The following ASAP2 variants were observed in gnomAD, a reference collection of about 807,000 sequenced individuals.
The protein encoded by ASAP2 is arf-GAP with SH3 domain, ANK repeat and PH domain-containing protein 2.
ASAP2 carries 45 observed loss-of-function variants against 131.4 expected under a neutral mutation model. That is an observed-to-expected ratio of 0.34 (90% CI 0.27 to 0.44). The LOEUF (loss-of-function observed/expected upper bound fraction) is 0.44, where lower values mean the gene tolerates loss of function less well. Ranked by LOEUF, ASAP2 falls within the 20% of genes least tolerant of loss-of-function variation. ASAP2 has a pLI of 1.00. For missense variants in ASAP2, 1,011 were observed against 1,297.0 expected (o/e 0.78, Z 3.39); for synonymous variants, 510 against 503.0 (o/e 1.01, Z -0.19).
chr2:9,286,447 A>AATATATATATATATATATAT (rs1553304561), intron 2 of ASAP2, among the ~76,000 whole-genome samples: 1 of 148,418 alleles, frequency 6.7e-6, no homozygotes, highest in African/African-American at 2.5e-5. Context: ...GAAAAAAAAA[A>AATATATATATATATATATAT]ATATATATAT....
At chr2:9,273,256 C>A (rs1666534053) in intron 1 of ASAP2, among the ~76,000 whole-genome samples, 1 of 152,090 alleles carries the variant, frequency 6.6e-6, no homozygotes, top group East Asian at 1.9e-4. Flanking sequence ...CTGTAGAGAT[C>A]CTGTACTTCT....
chr2:9,271,573 C>A (rs938516820), intron 1 of ASAP2: 6 of 1,524,256 alleles, frequency 3.9e-6, no homozygotes, highest in Non-Finnish European at 5.4e-6. Flanking sequence ...CAGGTCATCA[C>A]CCTTACTTGC....
intron 11 of ASAP2, among the ~76,000 whole-genome samples, chr2:9,348,262 G>T (rs1275446848): frequency 6.6e-6 from 1 of 152,058 alleles, no homozygotes; most frequent in Non-Finnish European, 1.5e-5. Context: ...GACTGCAGGT[G>T]CATGCCACCA....
chr2:9,254,823 A>G (rs920693280), intron 1 of ASAP2, among the ~76,000 whole-genome samples: 1 of 152,154 alleles, frequency 6.6e-6, no homozygotes, highest in African/African-American at 2.4e-5. Context: ...TCAGTTCACC[A>G]AGTGATGGGC....
At chr2:9,337,340 G>A (rs1260187699) in intron 9 of ASAP2, among the ~76,000 whole-genome samples, 4 of 152,314 alleles carry the variant, frequency 2.6e-5, no homozygotes, top group East Asian at 1.9e-4. Context: ...ATAAGCAGAT[G>A]TGAAAATGCT....
Position 9,223,424 on chromosome 2 carries a change from G to A in ASAP2, c.126+16194G>A, listed in dbSNP as rs140734906. ...TACTAAGCCAGTAAGGCCTTATCTG[G>A]AACATGCAGGCTTCATTTTTGCCCC... On this transcript the variant is annotated intron_variant, in intron 1 of 27. Coordinates refer to ENST00000281419, the MANE Select transcript of ASAP2 (RefSeq NM_003887.3). 5.5e-3 allele frequency among the ~76,000 whole-genome samples: 842 copies of A among 152,294 alleles called. 7 individuals are homozygous for A. Among genetic ancestry groups the A allele is most frequent in the Non-Finnish European group, 9.0e-3 (611 of 68,012 alleles).
In ASAP2 at chr2:9,268,474, T is replaced by C. The variant is rs571306576; in HGVS notation, c.127-10843T>C. Reference sequence around the variant, plus strand: ...ACCTGCTATTCTTCAGGCCTGGCTTTATTCCCACAAGGGGGGAGGTTCGTT... The same window carrying C: ...ACCTGCTATTCTTCAGGCCTGGCTTCATTCCCACAAGGGGGGAGGTTCGTT... On this transcript the variant is annotated intron_variant, in intron 1 of 27. Transcript: ENST00000281419. The surrounding 1 kb of genome is among the most constrained non-coding windows in gnomAD (Gnocchi z 4.1). Among the ~76,000 whole-genome samples the C allele has an allele frequency of 6.6e-6, 1 of 152,380 alleles. No individual in the cohort carries two copies. Among genetic ancestry groups the C allele is most frequent in the Admixed American group, 6.5e-5 (1 of 15,312 alleles).
At chr2:9,373,760 T>C (rs1674167391) in intron 16 of ASAP2, among the ~76,000 whole-genome samples, 1 of 152,224 alleles carries the variant, frequency 6.6e-6, no homozygotes, top group Non-Finnish European at 1.5e-5. Flanking sequence ...TACAAATGGA[T>C]GCAACTGATC....
intron 1 of ASAP2, among the ~76,000 whole-genome samples, chr2:9,255,676 G>A (rs1665104362): frequency 6.6e-6 from 1 of 152,336 alleles, no homozygotes; most frequent in East Asian, 1.9e-4. Flanking sequence ...AGGGAGTCGG[G>A]GGCAGAGCTG....
intron 23 of ASAP2, among the ~76,000 whole-genome samples, chr2:9,391,464 C>T (rs1197576372): frequency 6.6e-6 from 1 of 152,166 alleles, no homozygotes; most frequent in African/African-American, 2.4e-5. Context: ...AACATTTCCT[C>T]CTTTACACAG....
intron 1 of ASAP2, among the ~76,000 whole-genome samples, chr2:9,252,777 G>C (rs748502055): frequency 3.3e-5 from 5 of 151,638 alleles, no homozygotes; most frequent in Non-Finnish European, 5.9e-5. Context: ...TTAGCCAGGC[G>C]TGGTGGCGGG....
At chr2:9,317,336 C>CTCAG (rs142364139) in intron 3 of ASAP2, among the ~76,000 whole-genome samples, 2 of 148,700 alleles carry the variant, frequency 1.3e-5, no homozygotes, top group Non-Finnish European at 1.5e-5. Context: ...CATATCTTCA[C>CTCAG]TCACACACAC....
chr2:9,348,620 G>T (rs1006675837), intron 11 of ASAP2, among the ~76,000 whole-genome samples: 1 of 152,116 alleles, frequency 6.6e-6, no homozygotes, highest in African/African-American at 2.4e-5. Context: ...GTGTTTTGTG[G>T]ACCCATTCTT....
intron 12 of ASAP2, among the ~76,000 whole-genome samples, chr2:9,355,812 C>T (rs1672661785): frequency 6.6e-6 from 1 of 151,974 alleles, no homozygotes; most frequent in African/African-American, 2.4e-5. Context: ...TTTTTAGAAG[C>T]GGCGTCTTTT....
Position 9,377,931 on chromosome 2 carries a change from C to T in ASAP2, c.1832+938C>T, listed in dbSNP as rs897936296. 3.9e-5 allele frequency among the ~76,000 whole-genome samples: 6 copies of T among 152,052 alleles called. No homozygotes were observed. The East Asian group carries it at 7.7e-4, about 20-fold the overall frequency. On this transcript the variant is annotated intron_variant, in intron 18 of 27. Transcript: ENST00000281419. Reference sequence around the variant, plus strand: ...CTGAGTGCCAGCCCGGCTCCTAGAACGCAGCAGGGGTTTCGTAAACATTTG... The same window carrying T: ...CTGAGTGCCAGCCCGGCTCCTAGAATGCAGCAGGGGTTTCGTAAACATTTG...
chr2:9,279,880 A>ATTTACACATACATACTT (rs55996345), intron 2 of ASAP2, among the ~76,000 whole-genome samples: 11 of 151,752 alleles, frequency 7.2e-5, no homozygotes, highest in African/African-American at 2.4e-4. Context: ...ACACATATAT[A>ATTTACACATACATACTT]TTTACACATA....
chr2:9,283,164 G>C (rs556369023), intron 2 of ASAP2, among the ~76,000 whole-genome samples: 1 of 151,804 alleles, frequency 6.6e-6, no homozygotes, highest in African/African-American at 2.4e-5. Context: ...TGCAGCCTCC[G>C]CCTCCTGGGT....
At position 9,270,785 on chromosome 2, in the gene ASAP2, A is replaced by ATTTTTTTTTTTTTTTTTTTTTTTTTTTT. The variant is rs35913703; in HGVS notation, c.127-8507_127-8506insTTTTTTTTTTTTTTTTTTTTTTTTTTTT. Among the ~76,000 whole-genome samples, 5 of 52,928 alleles carry ATTTTTTTTTTTTTTTTTTTTTTTTTTTT rather than the reference A, an allele frequency of 9.4e-5. 1 individual carries two copies. Among genetic ancestry groups the ATTTTTTTTTTTTTTTTTTTTTTTTTTTT allele is most frequent in the African/African-American group, 1.4e-4 (2 of 13,982 alleles). The allele number at this position is 52,928 out of a possible 152,430, so 34.7% of individuals were successfully genotyped here. On this transcript the variant is annotated intron_variant, in intron 1 of 27. Coordinates refer to ENST00000281419, the MANE Select transcript of ASAP2 (RefSeq NM_003887.3). Reference sequence around the variant, plus strand: ...AGTCTCCATGAGTTCAATTGTTTTCATTTTTTTTTTTTTTTTTTTTTTTTT... The same window carrying ATTTTTTTTTTTTTTTTTTTTTTTTTTTT: ...AGTCTCCATGAGTTCAATTGTTTTCATTTTTTTTTTTTTTTTTTTTTTTTTTTTTTTTTTTTTTTTTTTTTTTTTTTTT...
At chr2:9,289,822 T>A (rs374044186) in intron 2 of ASAP2, among the ~76,000 whole-genome samples, 2 of 152,190 alleles carry the variant, frequency 1.3e-5, no homozygotes, top group East Asian at 3.9e-4. Context: ...CTGCCTGTGC[T>A]GAACACAACC....
Sources: allele counts gnomAD v4.1 joint callset (sites outside exome capture counted in the v4.1 genomes callset), GRCh38; gene constraint gnomAD v4.1.1; non-coding constraint Gnocchi (gnomAD v3.1); transcripts MANE v1.5; gene names NCBI Gene and HGNC (gene_info 2026-07-23, HGNC 2026-07-21).